The following APP variants were observed in gnomAD, a reference collection of about 807,000 sequenced individuals.
The protein encoded by APP is amyloid beta precursor protein, also known as amyloid-beta precursor protein.
In APP, 31 loss-of-function variants were observed where a neutral mutation model predicts 101.4. The ratio of observed to expected loss-of-function variants is 0.31; its 90% CI spans 0.23 to 0.41. The LOEUF (loss-of-function observed/expected upper bound fraction) is 0.41. Among genes scored for constraint, APP ranks in the 10% least tolerant of loss-of-function variants. The pLI, the probability that APP is intolerant of heterozygous loss-of-function variation, is 1.00. For missense variants in APP, 839 were observed against 1,003.7 expected, an observed-to-expected ratio of 0.84 and a Z score of 2.22; for synonymous variants, 366 against 364.4, an observed-to-expected ratio of 1.00 and a Z score of -0.05.
At chr21:26,087,708 C>T (rs905987302) in intron 3 of APP, among the ~76,000 whole-genome samples, 1 of 152,178 alleles carries the variant, frequency 6.6e-6, no homozygotes, top group South Asian at 2.1e-4. Flanking sequence ...GATATATTTT[C>T]AAGTGGTTCT....
intron 3 of APP, among the ~76,000 whole-genome samples, chr21:26,077,175 G>T (rs142779107): frequency 6.6e-6 from 1 of 152,048 alleles, no homozygotes; most frequent in Non-Finnish European, 1.5e-5. Flanking sequence ...CTCCTTGATC[G>T]ATTTCTCCAT....
intron 5 of APP, among the ~76,000 whole-genome samples, chr21:26,034,863 G>C (rs893713271): frequency 1.2e-4 from 19 of 152,070 alleles, no homozygotes; most frequent in African/African-American, 4.6e-4. Context: ...TGTACTCAGA[G>C]AGATTACATT....
At chr21:25,914,187 C>T (rs186487316) in intron 13 of APP, among the ~76,000 whole-genome samples, 3 of 152,102 alleles carry the variant, frequency 2.0e-5, no homozygotes, top group Non-Finnish European at 4.4e-5. Flanking sequence ...CTCACACTAC[C>T]GACAAATCCT....
intron 1 of APP, among the ~76,000 whole-genome samples, chr21:26,150,626 T>TAGATAGAC (rs370206066): frequency 0.018 from 2,715 of 149,860 alleles, 109 homozygotes; most frequent in African/African-American, 0.063. Flanking sequence ...GACAGATAGA[T>TAGATAGAC]AGACAGACAG....
At chr21:25,894,387 A>C (rs1189171652) in intron 16 of APP, among the ~76,000 whole-genome samples, 4 of 152,222 alleles carry the variant, frequency 2.6e-5, no homozygotes, top group Admixed American at 6.5e-5. Flanking sequence ...GATCTGGGCA[A>C]AGTAAACTGC....
intron 5 of APP, among the ~76,000 whole-genome samples, chr21:26,039,306 G>T (rs750823305): frequency 1.3e-5 from 2 of 152,158 alleles, no homozygotes; most frequent in Non-Finnish European, 1.5e-5. Context: ...TTGACAATAA[G>T]TAACAGCTCT....
chr21:26,155,331 TGAAAAA>T (rs573231387), intron 1 of APP, among the ~76,000 whole-genome samples: 2 of 152,252 alleles, frequency 1.3e-5, no homozygotes, highest in Non-Finnish European at 2.9e-5. Context: ...AGACATAATA[TGAAAAA>T]ATAATGTATT....
chr21:26,144,637 A>G (rs1019682469), intron 1 of APP, among the ~76,000 whole-genome samples: 3 of 152,252 alleles, frequency 2.0e-5, no homozygotes, highest in Non-Finnish European at 4.4e-5. Context: ...ATCATGGTCA[A>G]TTCTCTTGAA....
intron 6 of APP, among the ~76,000 whole-genome samples, chr21:26,019,692 C>G (rs530042909): frequency 0.15 from 27 of 186 alleles, no homozygotes; most frequent in Non-Finnish European, 0.21. Context: ...TTCTATTAAA[C>G]AGCCCAGCTT....
intron 1 of APP, chr21:26,140,147 A>G (rs1267264390): frequency 2.0e-6 from 3 of 1,522,750 alleles, no homozygotes; most frequent in Non-Finnish European, 2.6e-6. Flanking sequence ...CACAGTACTC[A>G]CTTACATAGT....
chr21:25,938,902 T>C (rs538820176), intron 13 of APP, among the ~76,000 whole-genome samples: 1 of 152,290 alleles, frequency 6.6e-6, no homozygotes, highest in South Asian at 2.1e-4. Context: ...CAAGCCCACA[T>C]TAACAAGGCC....
intron 2 of APP, among the ~76,000 whole-genome samples, chr21:26,096,366 A>G (rs2061942198): frequency 6.6e-6 from 1 of 152,206 alleles, no homozygotes; most frequent in African/African-American, 2.4e-5. Flanking sequence ...TTTGGCTTTC[A>G]GACTATCAGG....
In APP at chr21:25,915,190, G is replaced by C. The variant is rs552155283; in HGVS notation, c.1688-3228C>G. On this transcript the variant is annotated intron_variant, in intron 13 of 17. Transcript: ENST00000346798. ...CCTCTCTCTCAGGCTAAATAGCTTG[G>C]GGTATTCCCACAAAAGACCATGCAT... Among the ~76,000 whole-genome samples the C allele has an allele frequency of 6.6e-5, 10 of 152,284 alleles. No homozygotes were observed. In the South Asian group the frequency reaches 1.9e-3, roughly 28 times the overall value.
rs980081062 is a variant in APP, at chr21:25,981,246, A to G, written c.1224+1098T>C. ...TACTAAAGACTGACTGTGATCTTAG[A>G]AAATACGCAGCAGTCTAATTCATAA... On this transcript the variant is annotated intron_variant, in intron 9 of 17. Coordinates refer to ENST00000346798, the MANE Select transcript of APP (RefSeq NM_000484.4). 5.2e-5 allele frequency among the ~76,000 whole-genome samples: 8 copies of G among 152,382 alleles called. No individual in the cohort carries two copies. In the South Asian group the frequency reaches 1.7e-3, roughly 32 times the overall value.
chr21:25,930,586 T>TTTTATA (rs141389649), intron 13 of APP, among the ~76,000 whole-genome samples: 35 of 150,146 alleles, frequency 2.3e-4, no homozygotes, highest in African/African-American at 7.1e-4. Flanking sequence ...ATAGCACAAA[T>TTTTATA]TATATATATA....
chr21:26,034,646 AAAAG>A (rs1262702104), intron 5 of APP, among the ~76,000 whole-genome samples: 1 of 130,362 alleles, frequency 7.7e-6, no homozygotes, highest in African/African-American at 3.0e-5. Context: ...CTCAAAAAAA[AAAAG>A]AAAAAGAAAA....
intron 6 of APP, among the ~76,000 whole-genome samples, chr21:26,004,393 C>T (rs979544306): frequency 2.7e-5 from 4 of 150,548 alleles, no homozygotes; most frequent in South Asian, 4.2e-4. Context: ...CCCAGGTTCA[C>T]GCCATTCTCC....
At chr21:26,157,099 TG>T (rs1193465833) in intron 1 of APP, among the ~76,000 whole-genome samples, 1 of 152,186 alleles carries the variant, frequency 6.6e-6, no homozygotes, top group Non-Finnish European at 1.5e-5. Context: ...AGACAGAGTC[TG>T]GCTCTGTTGC....
chr21:26,114,964 A>T (rs1015485474), intron 1 of APP, among the ~76,000 whole-genome samples: 2 of 151,986 alleles, frequency 1.3e-5, no homozygotes, highest in Non-Finnish European at 2.9e-5. Context: ...TTTTTAAAAC[A>T]TTTTTTTCAA....
Sources: allele counts gnomAD v4.1 joint callset (sites outside exome capture counted in the v4.1 genomes callset), GRCh38; gene constraint gnomAD v4.1.1; transcripts MANE v1.5; gene names NCBI Gene and HGNC (gene_info 2026-07-23, HGNC 2026-07-21).